The following CRKL variants were observed in gnomAD, a reference collection of about 807,000 sequenced individuals.
The protein encoded by CRKL is CRK like proto-oncogene, adaptor protein.
CRKL carries 3 observed loss-of-function variants against 23.0 expected under a neutral mutation model. That is an observed-to-expected ratio of 0.13 (90% confidence interval 0.06 to 0.34). The LOEUF (loss-of-function observed/expected upper bound fraction) is 0.34, where lower values mean the gene tolerates loss of function less well. Ranked by LOEUF, CRKL falls within the 10% of genes least tolerant of loss-of-function variation. CRKL has a pLI of 1.00. For missense variants in CRKL, 256 were observed against 394.5 expected (o/e 0.65, Z 2.97); for synonymous variants, 188 against 160.7 (o/e 1.17, Z -1.28).
chr22:20,937,880 T>A (rs1051457810), intron 2 of CRKL, among the ~76,000 whole-genome samples: 2 of 152,112 alleles, frequency 1.3e-5, no homozygotes, highest in African/African-American at 4.8e-5. Context: ...TAAGTAAATT[T>A]TTTTTTTTTT....
At chr22:20,926,537 A>C (rs988419709) in intron 1 of CRKL, among the ~76,000 whole-genome samples, 1 of 152,146 alleles carries the variant, frequency 6.6e-6, no homozygotes, top group Non-Finnish European at 1.5e-5. Flanking sequence ...AACAGGAAGA[A>C]TCTTTCTTTG....
At chr22:20,923,096 T>C (rs1921050639) in intron 1 of CRKL, among the ~76,000 whole-genome samples, 1 of 152,166 alleles carries the variant, frequency 6.6e-6, no homozygotes, top group African/African-American at 2.4e-5. Flanking sequence ...AAATTCAGGC[T>C]ATGAAGAAAA....
intron 2 of CRKL, among the ~76,000 whole-genome samples, chr22:20,937,660 A>T (rs1921713001): frequency 6.6e-6 from 1 of 151,478 alleles, no homozygotes. Flanking sequence ...ACTTGGCCAT[A>T]CATAGTTCCT....
chr22:20,952,805 C>T lies in CRKL; in HGVS notation c.*2960C>T, dbSNP rs923272775. 12 of 231,726 alleles carry T rather than the reference C, an allele frequency of 5.2e-5. No homozygotes were observed. The highest frequency in any genetic ancestry group is 5.1e-4 in the Admixed American group (9 of 17,726). The allele number at this position is 231,726 out of a possible 1,614,324, so 14.4% of individuals were successfully genotyped here. On this transcript the variant is annotated 3_prime_UTR_variant, in exon 3 of 3. Coordinates refer to ENST00000354336, the MANE Select transcript of CRKL (RefSeq NM_005207.4). ...ACTTGTGTATCCCGGGAAGGACCTG[C>T]GGTACAGGAGTCAGCCATGTCTGTG...
intron 1 of CRKL, among the ~76,000 whole-genome samples, chr22:20,920,330 G>A (rs1465399620): frequency 2.6e-5 from 4 of 151,998 alleles, no homozygotes; most frequent in East Asian, 1.9e-4. Flanking sequence ...GTGAAACCCC[G>A]TCTCTGCTAA....
chr22:20,927,111 C>CAAAAAA (rs371278201), intron 1 of CRKL, among the ~76,000 whole-genome samples: 218 of 48,486 alleles, frequency 4.5e-3, no homozygotes, highest in East Asian at 9.0e-3. Flanking sequence ...GACTCCGTCT[C>CAAAAAA]AAAAAAAAAA....
chr22:20,934,491 C>T (rs1356768443), intron 2 of CRKL, among the ~76,000 whole-genome samples: 1 of 152,166 alleles, frequency 6.6e-6, no homozygotes, highest in Non-Finnish European at 1.5e-5. Flanking sequence ...CTACCTCGAC[C>T]TCCCAAAGTA....
chr22:20,929,325 C>T (rs1213339659), intron 1 of CRKL, among the ~76,000 whole-genome samples: 1 of 148,054 alleles, frequency 6.8e-6, no homozygotes, highest in Non-Finnish European at 1.5e-5. Context: ...CCACCACGCT[C>T]AGCTAATTTT....
chr22:20,945,628 G>A (rs1017878389), intron 2 of CRKL, among the ~76,000 whole-genome samples: 1 of 152,208 alleles, frequency 6.6e-6, no homozygotes, highest in Non-Finnish European at 1.5e-5. Context: ...GCATTCAGTT[G>A]TGGGTTTGAG....
chr22:20,927,111 C>CAAAAAAAAAAAAAAAAAAAAA (rs371278201), intron 1 of CRKL, among the ~76,000 whole-genome samples: 28 of 48,518 alleles, frequency 5.8e-4, no homozygotes, highest in East Asian at 2.3e-3. Flanking sequence ...GACTCCGTCT[C>CAAAAAAAAAAAAAAAAAAAAA]AAAAAAAAAA....
At chr22:20,921,948 T>A (rs1032112826) in intron 1 of CRKL, among the ~76,000 whole-genome samples, 20 of 150,700 alleles carry the variant, frequency 1.3e-4, no homozygotes, top group Non-Finnish European at 1.5e-5. Flanking sequence ...AACCTAGTGA[T>A]CCGCCCGCCT....
At chr22:20,947,458 G>A (rs572259110) in intron 2 of CRKL, among the ~76,000 whole-genome samples, 49 of 151,748 alleles carry the variant, frequency 3.2e-4, no homozygotes, top group African/African-American at 1.1e-3. Flanking sequence ...TCAGCCTCCC[G>A]AGTAGTTGGA....
In CRKL at chr22:20,917,650, G is replaced by C; in HGVS notation, c.-285G>C. ...GGACGCCGAGCAGCCCGAGAACCCC[G>C]GGGTGGCCTCCGCTGCGGCTCGGGT... On this transcript the variant is annotated 5_prime_UTR_variant, in exon 1 of 3. Transcript: ENST00000354336. 2.2e-6 allele frequency: 1 copy of C among 456,214 alleles called. No homozygotes were observed. Among genetic ancestry groups the C allele is most frequent in the Non-Finnish European group, 3.9e-6 (1 of 257,570 alleles). 28.3% of individuals were successfully genotyped at this position (456,214 alleles called of 1,614,324 possible). A position where few individuals can be genotyped will look rare whatever the true frequency, so the allele number is the denominator to read the frequency against.
chr22:20,941,281 A>T (rs1448955742), intron 2 of CRKL, among the ~76,000 whole-genome samples: 1 of 151,132 alleles, frequency 6.6e-6, no homozygotes, highest in Non-Finnish European at 1.5e-5. Flanking sequence ...CTGGTGCCCG[A>T]GGAATCATTT....
At chr22:20,945,614 G>C (rs961881381) in intron 2 of CRKL, among the ~76,000 whole-genome samples, 3 of 152,132 alleles carry the variant, frequency 2.0e-5, no homozygotes, top group African/African-American at 7.2e-5. Context: ...AACCCTATTA[G>C]ATAGCATTCA....
At chr22:20,929,422 C>T (rs546363857) in intron 1 of CRKL, among the ~76,000 whole-genome samples, 1 of 151,850 alleles carries the variant, frequency 6.6e-6, no homozygotes, top group South Asian at 2.1e-4. Context: ...GCCTTGGCCT[C>T]CCAAAGTGCT....
chr22:20,918,711 C>T (rs928432318), intron 1 of CRKL, among the ~76,000 whole-genome samples: 31 of 151,974 alleles, frequency 2.0e-4, no homozygotes, highest in African/African-American at 7.2e-4. Context: ...CCTGCCTTAG[C>T]CTCCCGAGTA....
chr22:20,927,128 A>AAAAGAAAAAAAAAAAAAAAG (rs1555918906), intron 1 of CRKL, among the ~76,000 whole-genome samples: 1 of 125,766 alleles, frequency 8.0e-6, no homozygotes, highest in Admixed American at 9.8e-5. Flanking sequence ...AAAAAAAAAA[A>AAAAGAAAAAAAAAAAAAAAG]AAAAAAAAGA....
intron 1 of CRKL, among the ~76,000 whole-genome samples, chr22:20,924,432 T>C (rs1389941694): frequency 6.6e-6 from 1 of 152,160 alleles, no homozygotes; most frequent in African/African-American, 2.4e-5. Flanking sequence ...AAATCTAGAC[T>C]TCCATAATTT....
Sources: allele counts gnomAD v4.1 joint callset (sites outside exome capture counted in the v4.1 genomes callset), GRCh38; gene constraint gnomAD v4.1.1; transcripts MANE v1.5; gene names NCBI Gene and HGNC (gene_info 2026-07-23, HGNC 2026-07-21).